Variants in PJA1 observed in about 807,000 individuals in gnomAD.
PJA1 encodes praja ring finger ubiquitin ligase 1, also known as E3 ubiquitin-protein ligase Praja-1.
In PJA1, 5 loss-of-function variants were observed where a neutral mutation model predicts 14.1. That is an observed-to-expected ratio of 0.35 (90% CI 0.18 to 0.74). The LOEUF (loss-of-function observed/expected upper bound fraction) is 0.74. PJA1 is among the 30% of genes least tolerant of loss of function. PJA1 has a pLI of 0.56. For synonymous variants in PJA1, 174 were observed against 190.9 expected (o/e 0.91, Z 0.73); for missense variants, 394 against 482.6 (o/e 0.82, Z 1.72).
In PJA1 at chrX:69,161,618, C is replaced by CA; in HGVS notation, c.1455dup (p.Glu486Ter). On this transcript the variant is annotated frameshift_variant, in exon 2 of 2. Transcript: ENST00000374571. LOFTEE classifies it high-confidence loss of function. ...TCCATTGCCTGGGCCAGGCGTTCTT[C>CA]AAGTGCCATGTAGGTGAGGAACTGA... 8.3e-7 allele frequency: 1 copy of CA among 1,211,707 alleles called. No individual in the cohort carries two copies. The highest frequency in any genetic ancestry group is 1.1e-6 in the Non-Finnish European group (1 of 895,550).
rs1346311960 is a variant in PJA1 at position 69,162,256 on chromosome X, G to C, written c.818C>G (p.Ala273Gly). The C allele has an allele frequency of 3.5e-5, 42 of 1,208,257 alleles. No homozygotes were observed. Among genetic ancestry groups the C allele is most frequent in the Non-Finnish European group, 4.5e-5 (40 of 894,769 alleles). Residue 273 changes from alanine (A) to glycine (G), a missense_variant, in exon 2 of 2, where the codon GCG becomes GGG. Around this residue, in one of 2 missense-constraint regions of PJA1, gnomAD observed 378 missense variants for 439.3 expected, o/e 0.86. Transcript: ENST00000374571. ...TTCTGGTTTCACTTGGTCACTCCTC[G>C]CTTCCCGTTTGTCTTCAGGGTACTT... ...EPKYPEDKRE[A>G]RSDQVKPEKV... is the part of the protein sequence containing the mutation.
Position 69,161,568 on chromosome X carries a change from A to G in PJA1, c.1506T>C (p.Ser502=). The G allele has an allele frequency of 8.3e-7, 1 of 1,211,536 alleles. No homozygotes were observed. The highest frequency in any genetic ancestry group is 1.1e-6 in the Non-Finnish European group (1 of 895,482). The part of the protein sequence containing the change: ...AMETALAHLE[S]LAVDVEVANP... ...TGGCCACCTCTACATCCACTGCGAG[A>G]GACTCCAAGTGCGCAAGGGCAGTTT... Residue 502 remains serine (S), a synonymous_variant, in exon 2 of 2, where the codon TCT becomes TCC. Coordinates refer to ENST00000374571, the MANE Select transcript of PJA1 (RefSeq NM_001032396.4).
At chrX:69,163,602 G>A (rs916605911) in intron 1 of PJA1, 4 of 188,402 alleles carry the variant, frequency 2.1e-5, no homozygotes, top group Non-Finnish European at 4.2e-5. Flanking sequence ...GTGGAATTGT[G>A]CAACGTGGGG....
intron 1 of PJA1, among the ~76,000 whole-genome samples, chrX:69,164,585 G>A (rs780177476): frequency 9.3e-6 from 1 of 107,999 alleles, no homozygotes; most frequent in Non-Finnish European, 1.9e-5. Context: ...GGGAAGGCAT[G>A]GGAGGGTGTG....
chrX:69,160,998 A>G lies in PJA1; in HGVS notation c.*309T>C. 4.1e-6 allele frequency: 1 copy of G among 245,061 alleles called. No individual in the cohort carries two copies. The allele number at this position is 245,061 out of a possible 1,213,427, so 20.2% of individuals were successfully genotyped here. ...ACTTGACATTACAAGTAACAGCAAC[A>G]CATTCCCATTCTACTGAAGAAAACA... On this transcript the variant is annotated 3_prime_UTR_variant, in exon 2 of 2. Transcript: ENST00000374571.
Position 69,162,452 on chromosome X carries a change from G to C in PJA1, c.622C>G (p.Leu208Val), listed in dbSNP as rs1925092922. The stretch of plus-strand genomic sequence containing the variant: ...GGTTTCACGCAGTTTGGACTTGCCA[G>C]GTTTCTGATTTTGGGCCTGACCACA... Reference protein sequence around the residue: ...EPVVRPKIRNLASPNCVKPKI... With the variant: ...EPVVRPKIRNVASPNCVKPKI... The change falls in exon 2 of 2, where the codon CTG becomes GTG. Residue 208 changes from leucine (L) to valine (V), a missense_variant. By Grantham distance (32) the Leu-to-Val change is conservative. Around this residue, in one of 2 missense-constraint regions of PJA1, gnomAD observed 378 missense variants for 439.3 expected, o/e 0.86. Transcript: ENST00000374571. 1 of 1,209,597 alleles carries C rather than the reference G, an allele frequency of 8.3e-7. No individual in the cohort carries two copies.
intron 1 of PJA1, among the ~76,000 whole-genome samples, chrX:69,164,260 C>G (rs955482744): frequency 1.8e-5 from 2 of 108,261 alleles, no homozygotes; most frequent in Non-Finnish European, 3.8e-5. Context: ...GTTGTGTCCC[C>G]GTAGAAGGAT....
chrX:69,164,002 T>A (rs1349475976), intron 1 of PJA1, among the ~76,000 whole-genome samples: 2 of 110,797 alleles, frequency 1.8e-5, no homozygotes, highest in African/African-American at 3.3e-5. Flanking sequence ...TTTATGCGTA[T>A]GTCACAGGCA....
chrX:69,161,829 G>C lies in PJA1; in HGVS notation c.1245C>G (p.Asp415Glu). The C allele has an allele frequency of 8.3e-7, 1 of 1,211,515 alleles. No homozygotes were observed. The highest frequency in any genetic ancestry group is 1.8e-5 in the South Asian group (1 of 56,914). The part of the protein sequence containing the change: ...EIPWLQYHEN[D>E]SSSEGDNDSG... ...AATCATTATCCCCCTCACTGCTACT[G>C]TCATTCTCATGGTACTGGAGCCAAG... Residue 415 changes from aspartate to glutamate, a missense_variant, in exon 2 of 2, where the codon GAC (aspartate) becomes GAG (glutamate). Around this residue, in one of 2 missense-constraint regions of PJA1, gnomAD observed 378 missense variants for 439.3 expected, o/e 0.86. Transcript: ENST00000374571.
Position 69,161,166 on chromosome X carries a change from G to C in PJA1, c.*141C>G. ...ATCATACACAACTGTTTTCACATTG[G>C]AAATAATCACGAGGAATCAATAGGT... is the stretch of plus-strand genomic sequence containing the variant. On this transcript the variant is annotated 3_prime_UTR_variant, in exon 2 of 2. Coordinates refer to ENST00000374571, the MANE Select transcript of PJA1 (RefSeq NM_001032396.4). The C allele has an allele frequency of 1.1e-6, 1 of 891,515 alleles. No homozygotes were observed. Among genetic ancestry groups the C allele is most frequent in the Non-Finnish European group, 1.5e-6 (1 of 676,778 alleles). 73.5% of individuals were successfully genotyped at this position (891,515 alleles called of 1,213,427 possible). A position where few individuals can be genotyped will look rare whatever the true frequency, so the allele number is the denominator to read the frequency against.
intron 1 of PJA1, among the ~76,000 whole-genome samples, chrX:69,163,810 C>T (rs1031193308): frequency 3.6e-5 from 4 of 110,359 alleles, no homozygotes; most frequent in Non-Finnish European, 7.6e-5. Flanking sequence ...GGGATGTTTA[C>T]GTTTGTAGGG....
rs1925051998 is a variant in PJA1, at chrX:69,162,041, C to T, written c.1033G>A (p.Glu345Lys). 8.3e-7 allele frequency: 1 copy of T among 1,208,664 alleles called. No individual in the cohort carries two copies. Among genetic ancestry groups the T allele is most frequent in the African/African-American group, 1.8e-5 (1 of 56,733 alleles). The change falls in exon 2 of 2, where the codon GAA (glutamate) becomes AAA (lysine). Residue 345 changes from glutamate to lysine, a missense_variant. Coordinates refer to ENST00000374571, the MANE Select transcript of PJA1 (RefSeq NM_001032396.4). ...TTAGCCTGTGGAGGTTCCCGCTCTT[C>T]TTTCCCCGGCAGAGTCTCCCAGCTT... ...GESWETLPGK[E>K]EREPPQAKVS...
Position 69,163,017 on chromosome X carries a change from A to G in PJA1, c.57T>C (p.Thr19=), listed in dbSNP as rs1316146429. The change falls in exon 2 of 2, where the codon ACT becomes ACC. Residue 19 remains threonine (T), a synonymous_variant. Transcript: ENST00000374571. ...CGCTGTCGTCCCAACTACGACGAGT[A>G]GTGGAAAATGGCGATCGGCTCCTCT... ...TTKRSRSPFS[T]TRRSWDDSES... The G allele has an allele frequency of 8.3e-7, 1 of 1,211,187 alleles. No homozygotes were observed. The highest frequency in any genetic ancestry group is 1.7e-5 in the African/African-American group (1 of 57,612).
rs762494173 is a variant in PJA1 at position 69,162,745 on chromosome X, G to A, written c.329C>T (p.Pro110Leu). Residue 110 changes from proline (P) to leucine (L), a missense_variant, in exon 2 of 2, where the codon CCT becomes CTT. By Grantham distance (98) the Pro-to-Leu change is moderately conservative (BLOSUM62 -3). Around this residue, in one of 2 missense-constraint regions of PJA1, gnomAD observed 378 missense variants for 439.3 expected, o/e 0.86. Coordinates refer to ENST00000374571, the MANE Select transcript of PJA1 (RefSeq NM_001032396.4). ...EKGARSLAGP[P>L]PHFSSFSRDV... ...ACGGCTAAAACTAGAGAAATGTGGA[G>A]GTGGCCCAGCCAAAGACCTTGCCCC... is the stretch of plus-strand genomic sequence containing the variant. 8.3e-7 allele frequency: 1 copy of A among 1,209,253 alleles called. No individual in the cohort carries two copies. Among genetic ancestry groups the A allele is most frequent in the East Asian group, 3.0e-5 (1 of 33,780 alleles).
At position 69,162,011 on chromosome X, in the gene PJA1, T is replaced by G. The variant is rs1446953934; in HGVS notation, c.1063A>C (p.Ser355Arg). 5.8e-6 allele frequency: 7 copies of G among 1,208,087 alleles called. No individual in the cohort carries two copies. Among genetic ancestry groups the G allele is most frequent in the Non-Finnish European group, 7.8e-6 (7 of 894,630 alleles). Residue 355 changes from serine to arginine, a missense_variant, in exon 2 of 2, where the codon AGT (serine) becomes CGT (arginine). Physicochemically the swap from Ser to Arg is moderately radical, Grantham distance 110. Coordinates refer to ENST00000374571, the MANE Select transcript of PJA1 (RefSeq NM_001032396.4). ...CCAGGGCTGGTGCCAGTGCTGGCAC[T>G]CACCTTAGCCTGTGGAGGTTCCCGC... is the stretch of plus-strand genomic sequence containing the variant. The part of the protein sequence containing the change: ...EEREPPQAKV[S>R]ASTGTSPGPG...
chrX:69,161,236 A>G lies in PJA1; in HGVS notation c.*71T>C, dbSNP rs1925006147. On this transcript the variant is annotated 3_prime_UTR_variant, in exon 2 of 2. Transcript: ENST00000374571. ...GGTTTTATTTCCATTGTTAATTTCA[A>G]GAGGGCTCCTGCAGTATTGTGGATT... 9.2e-7 allele frequency: 1 copy of G among 1,089,916 alleles called. No homozygotes were observed. The highest frequency in any genetic ancestry group is 3.9e-5 in the Admixed American group (1 of 25,651). 89.8% of individuals were successfully genotyped at this position (1,089,916 alleles called of 1,213,427 possible). A position where few individuals can be genotyped will look rare whatever the true frequency, so the allele number is the denominator to read the frequency against.
At chrX:69,163,981 G>T (rs1925168596) in intron 1 of PJA1, among the ~76,000 whole-genome samples, 1 of 110,997 alleles carries the variant, frequency 9.0e-6, no homozygotes, top group African/African-American at 3.3e-5. Context: ...AACTACAGAA[G>T]GATGCCCATG....
At position 69,161,165 on chromosome X, in the gene PJA1, G is replaced by T; in HGVS notation, c.*142C>A. On this transcript the variant is annotated 3_prime_UTR_variant, in exon 2 of 2. Coordinates refer to ENST00000374571, the MANE Select transcript of PJA1 (RefSeq NM_001032396.4). ...AATCATACACAACTGTTTTCACATT[G>T]GAAATAATCACGAGGAATCAATAGG... The T allele has an allele frequency of 1.1e-6, 1 of 885,378 alleles. No homozygotes were observed. The highest frequency in any genetic ancestry group is 1.5e-6 in the Non-Finnish European group (1 of 671,269). The allele number at this position is 885,378 out of a possible 1,213,427, so 73.0% of individuals were successfully genotyped here.
chrX:69,163,553 T>TG (rs936774298), intron 1 of PJA1: 2 of 263,404 alleles, frequency 7.6e-6, no homozygotes, highest in Admixed American at 6.2e-5. Context: ...GACGGAAGGT[T>TG]GGGGGGTGAC....
Sources: allele counts gnomAD v4.1 joint callset (sites outside exome capture counted in the v4.1 genomes callset), GRCh38; gene constraint gnomAD v4.1.1; regional missense constraint gnomAD v4.1.1; transcripts MANE v1.5; gene names NCBI Gene and HGNC (gene_info 2026-07-23, HGNC 2026-07-21).